FAM161A: variants seen among roughly 807,000 people sequenced by gnomAD.
FAM161A encodes the protein FAM161 centrosomal protein A.
FAM161A carries 57 observed loss-of-function variants against 70.9 expected under a neutral mutation model. That is an observed-to-expected ratio of 0.80 (90% CI 0.65 to 1.00). FAM161A has a LOEUF of 1.00. Ranked by LOEUF, FAM161A falls within the 50% of genes least tolerant of loss-of-function variation. FAM161A has a pLI of 0.00. For synonymous variants in FAM161A, 299 were observed against 295.7 expected, an observed-to-expected ratio of 1.01 and a Z score of -0.12; for missense variants, 880 against 836.0, an observed-to-expected ratio of 1.05 and a Z score of -0.65.
chr2:61,836,373 T>C (rs563316977), intron 4 of FAM161A: 30 of 314,690 alleles, frequency 9.5e-5, no homozygotes, highest in African/African-American at 5.9e-4. Flanking sequence ...GTCTGGACAC[T>C]TTAATTTCTG....
chr2:61,850,995 C>G (rs1187722368), intron 1 of FAM161A, among the ~76,000 whole-genome samples: 1 of 152,136 alleles, frequency 6.6e-6, no homozygotes, highest in Non-Finnish European at 1.5e-5. Flanking sequence ...CTGCCTCAGC[C>G]TCCTGAGTAG....
chr2:61,851,448 C>T (rs1673494371), intron 1 of FAM161A, among the ~76,000 whole-genome samples: 3 of 152,106 alleles, frequency 2.0e-5, no homozygotes, highest in Non-Finnish European at 2.9e-5. Flanking sequence ...GCAATTCTGC[C>T]TCAGCGCCCC....
Position 61,840,145 on chromosome 2 carries a change from C to G in FAM161A, c.859G>C (p.Val287Leu), listed in dbSNP as rs1672957111. 11 of 1,614,186 alleles carry G rather than the reference C, an allele frequency of 6.8e-6. No individual in the cohort carries two copies. Among genetic ancestry groups the G allele is most frequent in the Non-Finnish European group, 9.3e-6 (11 of 1,180,036 alleles). ...EYKKKFRANP[V>L]PASVFLPLYH... ...AGGGGGAGAAAGACAGATGCAGGAA[C>G]TGGATTGGCTCGGAATTTCTTCTTA... Residue 287 changes from valine (V) to leucine (L), a missense_variant, in exon 3 of 7, where the codon GTT becomes CTT. Val to Leu is a conservative substitution (Grantham distance 32). Coordinates refer to ENST00000404929, the MANE Select transcript of FAM161A (RefSeq NM_001201543.2).
chr2:61,827,299 T>G (rs1466247101), intron 5 of FAM161A, 41 bp from the exon 6 acceptor site: 3 of 1,602,994 alleles, frequency 1.9e-6, no homozygotes, highest in South Asian at 2.2e-5. Context: ...AACAGAAGAC[T>G]TTAAATTTTC....
At chr2:61,831,263 A>T (rs1294894015) in intron 5 of FAM161A, among the ~76,000 whole-genome samples, 2 of 151,656 alleles carry the variant, frequency 1.3e-5, no homozygotes, top group East Asian at 3.9e-4. Flanking sequence ...TTAATTTAGC[A>T]TTTATTTACT....
Position 61,853,905 on chromosome 2 carries a change from A to T in FAM161A, c.137T>A (p.Leu46Ter). 1 of 1,613,918 alleles carries T rather than the reference A, an allele frequency of 6.2e-7. No individual in the cohort carries two copies. The highest frequency in any genetic ancestry group is 8.5e-7 in the Non-Finnish European group (1 of 1,179,834). Residue 46 changes from leucine (L) to a stop codon, truncating the protein, a stop_gained, in exon 1 of 7, where the codon TTG becomes TAG. Coordinates refer to ENST00000404929, the MANE Select transcript of FAM161A (RefSeq NM_001201543.2). LOFTEE classifies it high-confidence loss of function. Reference sequence around the variant, plus strand: ...CACTTTCTCCTCCTCTTCGTCCTCCAAGATCGCCTCCGCTGCCGCCAGGGC... The same window carrying T: ...CACTTTCTCCTCCTCTTCGTCCTCCTAGATCGCCTCCGCTGCCGCCAGGGC... ...LKALAAAEAI[L>*]EDEEEEKVAQ...
chr2:61,839,695 T>A lies in FAM161A; in HGVS notation c.1309A>T (p.Arg437Ter), dbSNP rs200691042. The change falls in exon 3 of 7, where the codon AGA becomes TGA. Residue 437 changes from arginine to a stop codon, truncating the protein, a stop_gained. Coordinates refer to ENST00000404929, the MANE Select transcript of FAM161A (RefSeq NM_001201543.2). LOFTEE classifies it high-confidence loss of function. The part of the protein sequence containing the change: ...PTPDFEDLPE[R>*]YQKHLSEHKS... ...TGTTCTGAGAGGTGTTTCTGGTATC[T>A]CTCAGGAAGGTCCTCAAAATCAGGA... is the stretch of plus-strand genomic sequence containing the variant. 4.2e-4 allele frequency: 671 copies of A among 1,614,194 alleles called. 1 individual carries two copies. The highest frequency in any genetic ancestry group is 5.5e-4 in the Non-Finnish European group (650 of 1,180,032).
chr2:61,838,405 C>G, intron 4 of FAM161A, 133 bp downstream of exon 4: 1 of 752,642 alleles, frequency 1.3e-6, no homozygotes, highest in Admixed American at 2.8e-5. Context: ...ACACAAGTAA[C>G]TGATGACAAT....
chr2:61,815,437 C>G, the FAM161A span, among the ~76,000 whole-genome samples: 9 of 151,450 alleles, frequency 5.9e-5, no homozygotes, highest in South Asian at 2.1e-4. Context: ...TGTGTTGCCC[C>G]AGGAAAGTGC....
At chr2:61,853,425 A>C (rs1673565910) in intron 1 of FAM161A, among the ~76,000 whole-genome samples, 1 of 152,198 alleles carries the variant, frequency 6.6e-6, no homozygotes, top group African/African-American at 2.4e-5. Flanking sequence ...GGTTTTAAAC[A>C]CACATCTTTA....
chr2:61,828,963 TTGCCCTC>T (rs1399384859), intron 5 of FAM161A, among the ~76,000 whole-genome samples: 1 of 152,108 alleles, frequency 6.6e-6, no homozygotes. Context: ...GGGCCAAGAA[TTGCCCTC>T]TGGACCTCCA....
chr2:61,817,832 G>A, the FAM161A span, among the ~76,000 whole-genome samples: 1 of 152,050 alleles, frequency 6.6e-6, no homozygotes, highest in Non-Finnish European at 1.5e-5. Flanking sequence ...CAGGTGCGGT[G>A]GCTTGCAGGA....
At chr2:61,853,010 C>T (rs1572901593) in intron 1 of FAM161A, among the ~76,000 whole-genome samples, 1 of 135,570 alleles carries the variant, frequency 7.4e-6, no homozygotes, top group South Asian at 2.5e-4. Context: ...CTCCCAAGTT[C>T]AAGCGATTCT....
Position 61,854,059 on chromosome 2 carries a change from C to A in FAM161A, c.-18G>T, listed in dbSNP as rs760643676. The A allele has an allele frequency of 6.3e-7, 1 of 1,590,084 alleles. No homozygotes were observed. Among genetic ancestry groups the A allele is most frequent in the South Asian group, 1.1e-5 (1 of 88,422 alleles). ...GTGGCCATCGCCCCGCCTCCGAGGC[C>A]TGAGCGCCTGCGCTGGCCCGGGACG... is the stretch of plus-strand genomic sequence containing the variant. On this transcript the variant is annotated 5_prime_UTR_variant, in exon 1 of 7. It adds an upstream start codon to the 5' untranslated region. Transcript: ENST00000404929.
the FAM161A span, among the ~76,000 whole-genome samples, chr2:61,801,105 T>C: frequency 6.6e-6 from 1 of 152,108 alleles, no homozygotes; most frequent in African/African-American, 2.4e-5. Context: ...ATAAATCTGC[T>C]ATTTATTGAA....
rs1672759437 is a variant in FAM161A at position 61,836,038 on chromosome 2, C to T, written c.1823G>A (p.Arg608Lys). The T allele has an allele frequency of 1.2e-6, 2 of 1,610,290 alleles. No homozygotes were observed. Among genetic ancestry groups the T allele is most frequent in the South Asian group, 1.1e-5 (1 of 90,274 alleles). Residue 608 changes from arginine (R) to lysine (K), a missense_variant, in exon 5 of 7, where the codon AGG (arginine) becomes AAG (lysine). Physicochemically the swap from Arg to Lys is conservative, Grantham distance 26. Coordinates refer to ENST00000404929, the MANE Select transcript of FAM161A (RefSeq NM_001201543.2). ...LEEREEKLKK[R>K]PLLFERVAQK... ...AGCAACTCTTTCAAATAGCAGTGGCCTCTTTTTTAATTTTTCTTCTCTTTC... is the reference window on the plus strand; with the variant it reads ...AGCAACTCTTTCAAATAGCAGTGGCTTCTTTTTTAATTTTTCTTCTCTTTC...
rs1672317071 is a variant in FAM161A, at chr2:61,825,441, C to G, written c.*1014G>C. ...TAATTTAGATTATAACTCACACATG[C>G]CATAATTACTTCCATCTGTAATAAT... On this transcript the variant is annotated 3_prime_UTR_variant, in exon 7 of 7. Transcript: ENST00000404929. The G allele has an allele frequency of 2.2e-6, 1 of 453,816 alleles. No individual in the cohort carries two copies. The highest frequency in any genetic ancestry group is 2.0e-5 in the African/African-American group (1 of 49,872). The allele number at this position is 453,816 out of a possible 1,614,324, so 28.1% of individuals were successfully genotyped here. A position where few individuals can be genotyped will look rare whatever the true frequency, so the allele number is the denominator to read the frequency against.
chr2:61,811,507 G>T, the FAM161A span, among the ~76,000 whole-genome samples: 2 of 152,048 alleles, frequency 1.3e-5, no homozygotes, highest in African/African-American at 4.8e-5. Flanking sequence ...CCAGGTAGCT[G>T]CGATTACAGG....
At chr2:61,820,522 G>A (rs1342267542), downstream of FAM161A, 1 of 749,072 alleles carries the variant, frequency 1.3e-6, no homozygotes, top group Non-Finnish European at 2.4e-6. Flanking sequence ...AAAGGTATTT[G>A]TTGCTGGCAT....
Sources: allele counts gnomAD v4.1 joint callset (sites outside exome capture counted in the v4.1 genomes callset), GRCh38; gene constraint gnomAD v4.1.1; transcripts MANE v1.5; gene names NCBI Gene and HGNC (gene_info 2026-07-23, HGNC 2026-07-21).